CABIN1: variants seen among roughly 807,000 people sequenced by gnomAD.
CABIN1 encodes calcineurin-binding protein cabin-1.
CABIN1 carries 133 observed loss-of-function variants against 227.7 expected under a neutral mutation model. The observed-to-expected ratio is 0.58, with a 90% CI of 0.51 to 0.67. The LOEUF (loss-of-function observed/expected upper bound fraction) is 0.67, where lower values mean the gene tolerates loss of function less well. Among genes scored for constraint, CABIN1 ranks in the 30% least tolerant of loss-of-function variants. CABIN1 has a pLI of 0.00. For synonymous variants in CABIN1, 1,086 were observed against 1,155.1 expected, an observed-to-expected ratio of 0.94 and a Z score of 1.21; for missense variants, 2,408 against 2,852.5, an observed-to-expected ratio of 0.84 and a Z score of 3.55.
In CABIN1 at chr22:24,177,959, G is replaced by T. The variant is rs1445762468; in HGVS notation, c.6520-94G>T. ...GGGGCCTGGGGCAGGGGTGAGGGTGGGAGGGGGGCCTGGGGCAGGGGTGAA... is the reference window on the plus strand; with the variant it reads ...GGGGCCTGGGGCAGGGGTGAGGGTGTGAGGGGGGCCTGGGGCAGGGGTGAA... On this transcript the variant is annotated intron_variant, in intron 36 of 36. Transcript: ENST00000263119. The surrounding 1 kb of genome is among the most constrained non-coding windows in gnomAD (Gnocchi z 4.4). 8.2e-6 allele frequency: 13 copies of T among 1,585,256 alleles called. No individual in the cohort carries two copies. The highest frequency in any genetic ancestry group is 1.0e-5 in the Non-Finnish European group (12 of 1,164,444).
intron 29 of CABIN1, among the ~76,000 whole-genome samples, chr22:24,158,288 C>T (rs1435019285): frequency 2.0e-5 from 3 of 152,210 alleles, no homozygotes; most frequent in East Asian, 3.8e-4. Context: ...GACCTGCTTC[C>T]TGGAGACCAG....
intron 29 of CABIN1, among the ~76,000 whole-genome samples, chr22:24,158,612 A>G (rs368104958): frequency 2.0e-5 from 3 of 151,984 alleles, no homozygotes; most frequent in East Asian, 3.9e-4. Flanking sequence ...TCACTGCTAT[A>G]CCCCTGACTC....
At chr22:24,097,934 G>A in intron 25 of CABIN1, 80 bp from the exon 26 acceptor site, 3 of 1,572,958 alleles carry the variant, frequency 1.9e-6, no homozygotes, top group Non-Finnish European at 2.6e-6. Context: ...CCTGGGAAGG[G>A]CATTCACCCT....
intron 29 of CABIN1, among the ~76,000 whole-genome samples, chr22:24,160,127 C>T (rs1238139358): frequency 6.6e-6 from 1 of 152,106 alleles, no homozygotes; most frequent in African/African-American, 2.4e-5. Context: ...AACTCAGTTT[C>T]CCTCTCTGGA....
intron 31 of CABIN1, 30 bp from the exon 32 acceptor site, chr22:24,166,609 C>T (rs368117331): frequency 4.3e-5 from 69 of 1,612,468 alleles, no homozygotes; most frequent in Non-Finnish European, 5.4e-5. Flanking sequence ...ACACCAGCGA[C>T]ACAGCTTCTT....
chr22:24,087,030 G>T (rs947702515), intron 22 of CABIN1, among the ~76,000 whole-genome samples: 1 of 152,162 alleles, frequency 6.6e-6, no homozygotes, highest in African/African-American at 2.4e-5. Context: ...GGTCTTCCTG[G>T]TGCTTTAGCT....
chr22:24,081,404 A>G (rs189080757), intron 19 of CABIN1, among the ~76,000 whole-genome samples: 11 of 152,366 alleles, frequency 7.2e-5, no homozygotes, highest in Non-Finnish European at 1.5e-5. Context: ...GTTTCCACTT[A>G]GAGCATAAGG....
chr22:24,036,080 T>G lies in CABIN1; in HGVS notation c.4-9T>G, dbSNP rs1228599350. 2.5e-6 allele frequency: 4 copies of G among 1,606,346 alleles called. No homozygotes were observed. Among genetic ancestry groups the G allele is most frequent in the East Asian group, 2.2e-5 (1 of 44,818 alleles). On this transcript the variant is annotated splice_polypyrimidine_tract_variant and intron_variant, in intron 2 of 36. Transcript: ENST00000263119. The stretch of plus-strand genomic sequence containing the variant: ...CAACTTGTCTCTTCCACCAAACCCC[T>G]GTTTCTAGATTCGAATTGCAGCCTT...
intron 29 of CABIN1, among the ~76,000 whole-genome samples, chr22:24,139,973 C>T (rs1023184703): frequency 6.6e-6 from 1 of 152,254 alleles, no homozygotes; most frequent in African/African-American, 2.4e-5. Flanking sequence ...GCCTGCATGT[C>T]TCCATGCGGG....
At chr22:24,086,529 C>T (rs2041178412) in intron 22 of CABIN1, among the ~76,000 whole-genome samples, 1 of 152,254 alleles carries the variant, frequency 6.6e-6, no homozygotes, top group Non-Finnish European at 1.5e-5. Context: ...GCCTTGGCCA[C>T]TTTCGTTCTG....
At chr22:24,058,859 T>C (rs115062421) in intron 10 of CABIN1, among the ~76,000 whole-genome samples, 2,609 of 152,326 alleles carry the variant, frequency 0.017, 87 homozygotes, top group East Asian at 0.14. Flanking sequence ...GAGGTGGTCC[T>C]TATTTGGGTT....
intron 27 of CABIN1, among the ~76,000 whole-genome samples, chr22:24,117,865 T>A (rs2043178726): frequency 6.6e-6 from 1 of 152,262 alleles, no homozygotes; most frequent in Non-Finnish European, 1.5e-5. Context: ...CATTATGGCT[T>A]ACCCTGTTTG....
At position 24,098,098 on chromosome 22, in the gene CABIN1, T is replaced by C; in HGVS notation, c.4023T>C (p.Ser1341=). 2 of 1,614,098 alleles carry C rather than the reference T, an allele frequency of 1.2e-6. No homozygotes were observed. The highest frequency in any genetic ancestry group is 1.7e-6 in the Non-Finnish European group (2 of 1,180,008). ...PGPGASLPSS[S]GPGLTSPPYT... is the part of the protein sequence containing the mutation. Reference sequence around the variant, plus strand: ...CCGGAGCCTCCCTCCCCTCCTCCTCTGGCCCAGGTCTGACATCCCCACCTT... The same window carrying C: ...CCGGAGCCTCCCTCCCCTCCTCCTCCGGCCCAGGTCTGACATCCCCACCTT... Residue 1341 remains serine, a synonymous_variant, in exon 26 of 37, where the codon TCT becomes TCC. Coordinates refer to ENST00000263119, the MANE Select transcript of CABIN1 (RefSeq NM_012295.4).
Position 24,087,644 on chromosome 22 carries a change from C to T in CABIN1, c.3456C>T (p.Ala1152=), listed in dbSNP as rs2041254295. The change falls in exon 23 of 37, where the codon GCC becomes GCT. Residue 1152 remains alanine (A), a synonymous_variant. Coordinates refer to ENST00000263119, the MANE Select transcript of CABIN1 (RefSeq NM_012295.4). ...TTGAGTATGGCACCATGTCCTATGCCTTGCACTCATTCGCCTCACGTCAAT... is the reference window on the plus strand; with the variant it reads ...TTGAGTATGGCACCATGTCCTATGCTTTGCACTCATTCGCCTCACGTCAAT... ...LWIEYGTMSY[A]LHSFASRQLK... 2 of 1,614,190 alleles carry T rather than the reference C, an allele frequency of 1.2e-6. No individual in the cohort carries two copies. The highest frequency in any genetic ancestry group is 2.7e-5 in the African/African-American group (2 of 75,050).
chr22:24,103,682 C>T (rs1044992468), intron 26 of CABIN1, among the ~76,000 whole-genome samples: 1 of 152,152 alleles, frequency 6.6e-6, no homozygotes, highest in Non-Finnish European at 1.5e-5. Context: ...AGGCTGTCAG[C>T]GAAGAGCCAC....
intron 10 of CABIN1, 43 bp downstream of exon 10, chr22:24,056,403 G>T: frequency 6.3e-7 from 1 of 1,592,390 alleles, no homozygotes. Context: ...AACCCACAAA[G>T]CTCCAGCATA....
intron 1 of CABIN1, among the ~76,000 whole-genome samples, chr22:24,013,031 G>C (rs2034944401): frequency 6.6e-6 from 1 of 151,274 alleles, no homozygotes; most frequent in South Asian, 2.1e-4. Flanking sequence ...AAAGTGTTGG[G>C]ATTACAGGCG....
intron 16 of CABIN1, among the ~76,000 whole-genome samples, chr22:24,070,242 T>C (rs1261152024): frequency 2.0e-5 from 3 of 152,250 alleles, no homozygotes; most frequent in Non-Finnish European, 2.9e-5. Flanking sequence ...GGGGATGATG[T>C]GGTGGCTGAG....
intron 7 of CABIN1, among the ~76,000 whole-genome samples, chr22:24,050,245 G>T (rs535027430): frequency 1.3e-5 from 2 of 152,234 alleles, no homozygotes; most frequent in Non-Finnish European, 2.9e-5. Context: ...GAGGGAGACA[G>T]ATAAGAAGCA....
Sources: gnomAD v4.1 joint callset for allele counts (sites outside exome capture counted in the v4.1 genomes callset) on GRCh38, gnomAD v4.1.1 for gene constraint, Gnocchi (gnomAD v3.1) non-coding constraint, MANE v1.5 for transcripts, NCBI Gene and HGNC (gene_info 2026-07-23, HGNC 2026-07-21) for gene names.